BTBD9: variants seen among roughly 807,000 people sequenced by gnomAD.
The protein encoded by BTBD9 is BTB/POZ domain-containing protein 9.
Under a neutral mutation model 64.3 loss-of-function variants are expected in BTBD9, and 49 were observed. The observed-to-expected ratio is 0.76, with a 90% confidence interval of 0.61 to 0.97. BTBD9 has a LOEUF of 0.97. Among genes scored for constraint, BTBD9 ranks in the 50% least tolerant of loss-of-function variants. The probability of loss-of-function intolerance (pLI) is 0.00; values close to 1 mark genes in which losing one functional copy is unlikely to be tolerated. For missense variants in BTBD9, 598 were observed against 762.1 expected (o/e 0.78, Z 2.53); for synonymous variants, 260 against 274.7 (o/e 0.95, Z 0.53).
intron 9 of BTBD9, among the ~76,000 whole-genome samples, chr6:38,250,325 G>T (rs566860488): frequency 6.6e-6 from 1 of 152,038 alleles, no homozygotes; most frequent in Non-Finnish European, 1.5e-5. Flanking sequence ...CTTCTGCAAC[G>T]GAAAAAACTA....
intron 9 of BTBD9, among the ~76,000 whole-genome samples, chr6:38,251,669 T>A (rs1316629595): frequency 1.3e-5 from 2 of 152,058 alleles, no homozygotes; most frequent in Non-Finnish European, 2.9e-5. Flanking sequence ...GGTGAATGGA[T>A]CACCTGTGGT....
chr6:38,460,350 T>G (rs774918218), intron 6 of BTBD9, among the ~76,000 whole-genome samples: 2 of 152,250 alleles, frequency 1.3e-5, no homozygotes, highest in African/African-American at 2.4e-5. Context: ...ATGTCATTTC[T>G]ACCCAGGAAT....
chr6:38,563,308 A>G (rs768204957), intron 6 of BTBD9, among the ~76,000 whole-genome samples: 1 of 152,156 alleles, frequency 6.6e-6, no homozygotes, highest in Non-Finnish European at 1.5e-5. Flanking sequence ...TCAAGCCTGT[A>G]TCTAACAATG....
intron 6 of BTBD9, among the ~76,000 whole-genome samples, chr6:38,375,044 T>C (rs1291441863): frequency 6.6e-6 from 1 of 152,190 alleles, no homozygotes; most frequent in Non-Finnish European, 1.5e-5. Context: ...TCATTCTCAA[T>C]ATTCCTTCCA....
At chr6:38,438,138 A>G (rs1768823207) in intron 6 of BTBD9, among the ~76,000 whole-genome samples, 3 of 150,410 alleles carry the variant, frequency 2.0e-5, no homozygotes, top group South Asian at 2.1e-4. Context: ...GAAGAATACT[A>G]CTACTTGATT....
chr6:38,593,422 G>C (rs895321570), intron 3 of BTBD9, among the ~76,000 whole-genome samples: 1 of 152,146 alleles, frequency 6.6e-6, no homozygotes, highest in Non-Finnish European at 1.5e-5. Flanking sequence ...GAAATATCCA[G>C]GTTCTAGAAG....
intron 6 of BTBD9, among the ~76,000 whole-genome samples, chr6:38,509,536 G>A (rs1372955832): frequency 4.6e-5 from 7 of 152,244 alleles, no homozygotes; most frequent in Middle Eastern, 6.8e-3. Context: ...TTCTCAAAAC[G>A]CAGTGAGAAC....
rs534712527 is a variant in BTBD9 at position 38,228,056 on chromosome 6, T to C, written c.1562+28353A>G. Among the ~76,000 whole-genome samples the C allele has an allele frequency of 2.0e-5, 3 of 152,212 alleles. No individual in the cohort carries two copies. The South Asian group carries it at 6.2e-4, about 32-fold the overall frequency. On this transcript the variant is annotated intron_variant, in intron 9 of 10. Transcript: ENST00000481247. ...TATACATTTGTCCAAACCCATAAAATGTATAACACCAGGAGTCAACCCTGG... is the reference window on the plus strand; with the variant it reads ...TATACATTTGTCCAAACCCATAAAACGTATAACACCAGGAGTCAACCCTGG...
At chr6:38,282,197 A>C (rs1428030054) in intron 8 of BTBD9, among the ~76,000 whole-genome samples, 1 of 152,150 alleles carries the variant, frequency 6.6e-6, no homozygotes, top group Non-Finnish European at 1.5e-5. Context: ...TTTAAATTTT[A>C]ATGTTTTTAA....
At chr6:38,517,832 C>T (rs948608354) in intron 6 of BTBD9, among the ~76,000 whole-genome samples, 8 of 152,144 alleles carry the variant, frequency 5.3e-5, no homozygotes, top group African/African-American at 1.9e-4. Context: ...TTGCACCTTC[C>T]CTTCTTCCTT....
chr6:38,192,711 G>T, intron 9 of BTBD9, 114 bp from the exon 10 acceptor site: 1 of 885,464 alleles, frequency 1.1e-6, no homozygotes, highest in Non-Finnish European at 1.8e-6. Context: ...TCGGAGACCT[G>T]CACTATAGGA....
intron 6 of BTBD9, among the ~76,000 whole-genome samples, chr6:38,352,660 T>G (rs982013886): frequency 6.6e-6 from 1 of 152,244 alleles, no homozygotes; most frequent in African/African-American, 2.4e-5. Flanking sequence ...GAGAAGGCCA[T>G]AAGAGCTTAT....
intron 9 of BTBD9, among the ~76,000 whole-genome samples, chr6:38,237,783 G>A (rs1763829929): frequency 6.6e-6 from 1 of 152,062 alleles, no homozygotes; most frequent in Non-Finnish European, 1.5e-5. Flanking sequence ...GAGAGGTGGG[G>A]AGGGTTACAA....
chr6:38,278,752 G>T (rs986929505), intron 8 of BTBD9, among the ~76,000 whole-genome samples: 19 of 152,182 alleles, frequency 1.2e-4, no homozygotes, highest in African/African-American at 3.4e-4. Context: ...TGTACAGAAG[G>T]TCTAAACACT....
At chr6:38,568,667 A>T (rs531648943) in intron 6 of BTBD9, among the ~76,000 whole-genome samples, 1 of 152,348 alleles carries the variant, frequency 6.6e-6, no homozygotes, top group African/African-American at 2.4e-5. Context: ...AAACTGATAG[A>T]CTAACATTCA....
At chr6:38,627,372 C>T (rs1451780714) in intron 1 of BTBD9, among the ~76,000 whole-genome samples, 1 of 152,046 alleles carries the variant, frequency 6.6e-6, no homozygotes, top group East Asian at 1.9e-4. Context: ...GGAACAGCCT[C>T]CAAGATATAA....
chr6:38,317,437 C>A (rs1485151788), intron 7 of BTBD9, among the ~76,000 whole-genome samples: 3 of 151,528 alleles, frequency 2.0e-5, no homozygotes, highest in Admixed American at 2.0e-4. Context: ...TTTTTTTTAT[C>A]CCTAACCTTT....
At chr6:38,413,240 C>T (rs897732093) in intron 6 of BTBD9, among the ~76,000 whole-genome samples, 3 of 152,176 alleles carry the variant, frequency 2.0e-5, no homozygotes, top group Non-Finnish European at 4.4e-5. Context: ...CTAGGAAAGA[C>T]AAACTGAAAT....
chr6:38,373,616 C>T (rs1449443539), intron 6 of BTBD9, among the ~76,000 whole-genome samples: 4 of 152,150 alleles, frequency 2.6e-5, no homozygotes, highest in South Asian at 2.1e-4. Context: ...ACTGCAGCCT[C>T]GACCTGCCAG....
Sources: allele counts gnomAD v4.1 joint callset (sites outside exome capture counted in the v4.1 genomes callset), GRCh38; gene constraint gnomAD v4.1.1; transcripts MANE v1.5; gene names NCBI Gene and HGNC (gene_info 2026-07-23, HGNC 2026-07-21).